Variants in ANKRD30A observed in about 807,000 individuals in gnomAD.
The protein encoded by ANKRD30A is ankyrin repeat domain 30A.
A neutral mutation model predicts 166.3 loss-of-function variants in ANKRD30A; 170 were observed. The observed-to-expected ratio is 1.02, with a 90% CI of 0.90 to 1.16. ANKRD30A has a LOEUF of 1.16. ANKRD30A is among the 50% of genes most tolerant of loss of function. ANKRD30A has a pLI of 0.00. For synonymous variants in ANKRD30A, 564 were observed against 508.9 expected, an observed-to-expected ratio of 1.11 and a Z score of -1.46; for missense variants, 1,630 against 1,518.0, an observed-to-expected ratio of 1.07 and a Z score of -1.23.
intron 31 of ANKRD30A, 112 bp downstream of exon 31, chr10:37,201,437 G>A: frequency 1.3e-6 from 1 of 743,240 alleles, no homozygotes; most frequent in Non-Finnish European, 2.0e-6. Context: ...GCAAACCATG[G>A]AAAAAAAGAG....
At chr10:37,252,238 G>T in the ANKRD30A span, among the ~76,000 whole-genome samples, 1 of 152,140 alleles carries the variant, frequency 6.6e-6, no homozygotes, top group African/African-American at 2.4e-5. Context: ...ATTTGTTCTT[G>T]ATTCCCCAGA....
At chr10:37,153,887 C>A (rs918381296) in intron 13 of ANKRD30A, among the ~76,000 whole-genome samples, 7 of 152,038 alleles carry the variant, frequency 4.6e-5, no homozygotes, top group African/African-American at 1.2e-4. Context: ...CAAGATATTG[C>A]AAGACCTGAG....
chr10:37,214,704 G>T (rs1389886210), intron 31 of ANKRD30A, among the ~76,000 whole-genome samples: 1 of 150,700 alleles, frequency 6.6e-6, no homozygotes, highest in African/African-American at 2.4e-5. Context: ...ATAGTGTATG[G>T]ATTTACCTCA....
Position 37,197,419 on chromosome 10 carries a change from A to G in ANKRD30A, c.2655A>G (p.Glu885=). 1 of 1,612,726 alleles carries G rather than the reference A, an allele frequency of 6.2e-7. No individual in the cohort carries two copies. Among genetic ancestry groups the G allele is most frequent in the East Asian group, 2.2e-5 (1 of 44,838 alleles). The change falls in exon 29 of 36, where the codon GAA becomes GAG. Residue 885 remains glutamate, a synonymous_variant. Coordinates refer to ENST00000361713, the MANE Select transcript of ANKRD30A (RefSeq NM_052997.3). ...EKPSAFEPAI[E]MQKSVPNKAL... is the part of the protein sequence containing the mutation. ...CCAACCCCATTTAGCCTGCCATTGA[A>G]ATGCAAAAGTCTGTTCCAAATAAAG...
chr10:37,155,205 T>C lies in ANKRD30A; in HGVS notation c.1798+1543T>C, dbSNP rs371403683. Among the ~76,000 whole-genome samples the C allele has an allele frequency of 5.3e-5, 8 of 152,294 alleles. No homozygotes were observed. The East Asian group carries it at 7.7e-4, about 15-fold the overall frequency. On this transcript the variant is annotated intron_variant, in intron 13 of 35. Transcript: ENST00000361713. Reference sequence around the variant, plus strand: ...TATTTAAAAGTCTATTGCAACTAAATTTAAATGAAATACAGCAATATTGAA... The same window carrying C: ...TATTTAAAAGTCTATTGCAACTAAACTTAAATGAAATACAGCAATATTGAA...
intron 13 of ANKRD30A, among the ~76,000 whole-genome samples, chr10:37,154,605 A>G (rs1352634106): frequency 6.6e-6 from 1 of 152,210 alleles, no homozygotes; most frequent in Non-Finnish European, 1.5e-5. Flanking sequence ...ACAAAAGGAA[A>G]GAGTGGGAAA....
At chr10:37,254,691 T>C in the ANKRD30A span, among the ~76,000 whole-genome samples, 1 of 145,820 alleles carries the variant, frequency 6.9e-6, no homozygotes, top group Non-Finnish European at 1.5e-5. Flanking sequence ...TTCTTTTTTT[T>C]TTTTTTTTTT....
chr10:37,253,613 A>G, the ANKRD30A span, among the ~76,000 whole-genome samples: 1 of 150,258 alleles, frequency 6.7e-6, no homozygotes, highest in Non-Finnish European at 1.5e-5. Context: ...GGCCTTTGGT[A>G]TCTGGCTTCT....
chr10:37,221,102 C>T (rs1148260), intron 34 of ANKRD30A, among the ~76,000 whole-genome samples: 1 of 147,800 alleles, frequency 6.8e-6, no homozygotes, highest in African/African-American at 2.5e-5. Context: ...GATTCATTAG[C>T]GGACAAATGA....
chr10:37,236,756 G>T (rs1433112626), downstream of ANKRD30A, among the ~76,000 whole-genome samples: 1 of 152,180 alleles, frequency 6.6e-6, no homozygotes, highest in Non-Finnish European at 1.5e-5. Context: ...AATATGTTTT[G>T]TGTCTTCAAT....
chr10:37,223,551 GT>G (rs1157820199), intron 34 of ANKRD30A, among the ~76,000 whole-genome samples: 1 of 151,272 alleles, frequency 6.6e-6, no homozygotes, highest in African/African-American at 2.4e-5. Context: ...TTCACTTATT[GT>G]TAGCATTTAG....
At chr10:37,128,350 A>G (rs1025321329) in intron 1 of ANKRD30A, among the ~76,000 whole-genome samples, 2 of 152,036 alleles carry the variant, frequency 1.3e-5, no homozygotes, top group African/African-American at 4.8e-5. Flanking sequence ...AGATAAAAAT[A>G]GTTTCTCACT....
intron 15 of ANKRD30A, among the ~76,000 whole-genome samples, chr10:37,160,520 A>G (rs796596206): frequency 1.6e-4 from 24 of 152,330 alleles, no homozygotes; most frequent in African/African-American, 5.5e-4. Context: ...TCAAAAATGC[A>G]TAAGGTTCTA....
chr10:37,141,616 A>G, intron 6 of ANKRD30A, 102 bp from the exon 7 acceptor site: 2 of 1,314,956 alleles, frequency 1.5e-6, no homozygotes, highest in South Asian at 2.6e-5. Context: ...GTTTGGTAGT[A>G]TTTAAGGAAA....
chr10:37,138,152 C>T (rs1052836411), intron 6 of ANKRD30A, among the ~76,000 whole-genome samples: 6 of 152,252 alleles, frequency 3.9e-5, no homozygotes, highest in East Asian at 1.9e-4. Flanking sequence ...CTCCAACAGA[C>T]GTGCAGCTGA....
chr10:37,258,962 C>CAAAAAA, the ANKRD30A span, among the ~76,000 whole-genome samples: 56 of 45,356 alleles, frequency 1.2e-3, no homozygotes, highest in East Asian at 1.8e-3. Flanking sequence ...GACTCCATCT[C>CAAAAAA]AAAAAAAAAA....
chr10:37,147,244 T>C, intron 8 of ANKRD30A, 126 bp from the exon 9 acceptor site: 1 of 675,088 alleles, frequency 1.5e-6, no homozygotes, highest in Non-Finnish European at 2.5e-6. Flanking sequence ...TGATTTTCAA[T>C]ATGTGCCTAT....
intron 9 of ANKRD30A, among the ~76,000 whole-genome samples, chr10:37,148,632 C>T (rs894655460): frequency 6.6e-6 from 1 of 151,952 alleles, no homozygotes. Flanking sequence ...ATTATGGACA[C>T]TCCAGAGACT....
At chr10:37,171,560 T>C (rs1428847954) in intron 21 of ANKRD30A, among the ~76,000 whole-genome samples, 2 of 151,714 alleles carry the variant, frequency 1.3e-5, no homozygotes, top group East Asian at 1.9e-4. Context: ...GGTGTATTTG[T>C]TGAACTTCAG....
Sources: gnomAD v4.1 joint callset for allele counts (sites outside exome capture counted in the v4.1 genomes callset) on GRCh38, gnomAD v4.1.1 for gene constraint, MANE v1.5 for transcripts, NCBI Gene and HGNC (gene_info 2026-07-23, HGNC 2026-07-21) for gene names.